Variants in PDLIM7 observed in about 807,000 individuals in gnomAD.
PDLIM7 encodes PDZ and LIM domain 7.
A neutral mutation model predicts 53.9 loss-of-function variants in PDLIM7; 37 were observed. The observed-to-expected ratio is 0.69, with a 90% CI of 0.53 to 0.90. PDLIM7 has a LOEUF of 0.90. Ranked by LOEUF, PDLIM7 falls within the 40% of genes least tolerant of loss-of-function variation. The pLI is 0.00. For synonymous variants in PDLIM7, 300 were observed against 261.3 expected (o/e 1.15, Z -1.43); for missense variants, 617 against 638.5 (o/e 0.97, Z 0.36).
rs1011444288 is a variant in PDLIM7 at position 177,487,966 on chromosome 5, G to A, written c.1050+102C>T. On this transcript the variant is annotated intron_variant, in intron 10 of 12. Coordinates refer to ENST00000355841, the MANE Select transcript of PDLIM7 (RefSeq NM_005451.5). The stretch of plus-strand genomic sequence containing the variant: ...CCATTTATTACGCTGGTAAGGACCC[G>A]GAGGGCTCACTCGGGGAGAGACCTG... 126 of 1,142,700 alleles carry A rather than the reference G, an allele frequency of 1.1e-4. No individual in the cohort carries two copies. In the Admixed American group the frequency reaches 1.4e-3, roughly 13 times the overall value. The allele number at this position is 1,142,700 out of a possible 1,614,324, so 70.8% of individuals were successfully genotyped here.
chr5:177,491,510 G>C lies in PDLIM7; in HGVS notation c.398+297C>G. 3 of 1,062,284 alleles carry C rather than the reference G, an allele frequency of 2.8e-6. No individual in the cohort carries two copies. The South Asian group carries it at 4.0e-5, about 14-fold the overall frequency. 65.8% of individuals were successfully genotyped at this position (1,062,284 alleles called of 1,614,324 possible). Reference sequence around the variant, plus strand: ...AAGACGGGGAGGGGTCAGAACAGCCGGGGACAAGGCGGCACTGAGTGTCTG... The same window carrying C: ...AAGACGGGGAGGGGTCAGAACAGCCCGGGACAAGGCGGCACTGAGTGTCTG... On this transcript the variant is annotated intron_variant, in intron 5 of 12. Coordinates refer to ENST00000355841, the MANE Select transcript of PDLIM7 (RefSeq NM_005451.5).
At position 177,492,453 on chromosome 5, in the gene PDLIM7, C is replaced by G. The variant is rs186153779; in HGVS notation, c.249-18G>C. Reference sequence around the variant, plus strand: ...GCTGGGCCCTGGAGGAGAAGGAAAGCGTGACAGCGGGCCGGGCCCGCAGGG... The same window carrying G: ...GCTGGGCCCTGGAGGAGAAGGAAAGGGTGACAGCGGGCCGGGCCCGCAGGG... On this transcript the variant is annotated intron_variant, in intron 3 of 12. Transcript: ENST00000355841. 11 of 1,613,520 alleles carry G rather than the reference C, an allele frequency of 6.8e-6. No individual in the cohort carries two copies. The East Asian group carries it at 2.5e-4, about 36-fold the overall frequency.
intron 11 of PDLIM7, 26 bp from the exon 12 acceptor site, chr5:177,484,008 G>A: frequency 6.2e-7 from 1 of 1,613,450 alleles, no homozygotes; most frequent in South Asian, 1.1e-5. Flanking sequence ...GAGAGAAAGA[G>A]GACCTGGATT....
chr5:177,486,780 T>TGCCTG (rs1561699623), intron 10 of PDLIM7, among the ~76,000 whole-genome samples: 1 of 146,418 alleles, frequency 6.8e-6, no homozygotes, highest in Non-Finnish European at 1.5e-5. Flanking sequence ...CTGGGACTAC[T>TGCCTG]CCACCATGCC....
chr5:177,492,144 G>C (rs964185513), intron 4 of PDLIM7: 34 of 596,802 alleles, frequency 5.7e-5, no homozygotes, highest in African/African-American at 4.7e-4. Context: ...AGGGCTGACC[G>C]AGTGCGGGCG....
At chr5:177,490,324 G>A (rs1758682780) in intron 7 of PDLIM7, 1 of 1,446,958 alleles carries the variant, frequency 6.9e-7, no homozygotes, top group East Asian at 2.5e-5. Context: ...AAGAGGGAAG[G>A]CAGTGTCAGA....
In PDLIM7 at chr5:177,489,602, G is replaced by T; in HGVS notation, c.660C>A (p.Ser220Arg). 1 of 1,603,516 alleles carries T rather than the reference G, an allele frequency of 6.2e-7. No individual in the cohort carries two copies. The highest frequency in any genetic ancestry group is 1.1e-5 in the South Asian group (1 of 89,922). The change falls in exon 9 of 13, where the codon AGC becomes AGA. Residue 220 changes from serine (S) to arginine (R), a missense_variant. Coordinates refer to ENST00000355841, the MANE Select transcript of PDLIM7 (RefSeq NM_005451.5). ...WPGPTAPSPTSRPPWAVDPAF... is the reference protein window; with the variant it reads ...WPGPTAPSPTRRPPWAVDPAF... ...CAGGGTCCACAGCCCAGGGCGGGCG[G>T]CTGGTAGGGCTGGGGGCGGTAGGGC...
intron 5 of PDLIM7, 133 bp downstream of exon 5, chr5:177,491,674 C>A: frequency 6.3e-6 from 4 of 632,352 alleles, no homozygotes; most frequent in Non-Finnish European, 1.0e-5. Context: ...CAGCCCCACC[C>A]CGGCCGCCAG....
intron 2 of PDLIM7, among the ~76,000 whole-genome samples, chr5:177,496,001 C>T (rs773127228): frequency 9.9e-5 from 15 of 152,056 alleles, no homozygotes; most frequent in Non-Finnish European, 1.9e-4. Context: ...TCTGGAAAAA[C>T]GGGATGAGGA....
rs1254736238 is a variant in PDLIM7, at chr5:177,491,863, C to T, written c.342G>A (p.Lys114=). Residue 114 remains lysine (K), a synonymous_variant, in exon 5 of 13, where the codon AAG becomes AAA. Coordinates refer to ENST00000355841, the MANE Select transcript of PDLIM7 (RefSeq NM_005451.5). The part of the protein sequence containing the change: ...YTFAPSVSLN[K]TARPFGAPPP... The stretch of plus-strand genomic sequence containing the variant: ...GGGGCGCCCCAAAGGGCCGGGCCGT[C>T]TTGTTGAGGGAGACGCTGGGTGCAA... The T allele has an allele frequency of 8.1e-7, 1 of 1,233,620 alleles. No individual in the cohort carries two copies. The highest frequency in any genetic ancestry group is 1.0e-6 in the Non-Finnish European group (1 of 981,298). The allele number at this position is 1,233,620 out of a possible 1,614,324, so 76.4% of individuals were successfully genotyped here.
At chr5:177,497,112 G>T (rs1759129701) in intron 1 of PDLIM7, among the ~76,000 whole-genome samples, 1 of 151,438 alleles carries the variant, frequency 6.6e-6, no homozygotes, top group Non-Finnish European at 1.5e-5. Context: ...GCCAGGGCGG[G>T]ACCCCTGGGT....
intron 11 of PDLIM7, 31 bp downstream of exon 11, chr5:177,484,039 T>C (rs1395279110): frequency 1.2e-6 from 2 of 1,613,466 alleles, no homozygotes; most frequent in Admixed American, 1.7e-5. Flanking sequence ...CCATGCACCA[T>C]CCCTCCTCAC....
In PDLIM7 at chr5:177,491,914, G is replaced by C. The variant is rs372173934; in HGVS notation, c.291C>G (p.Pro97=). ...AGGTGTACCGCGGAGGGTCCGCGGC[G>C]GGGGCGGAGGCCTGGGCAGAGACAC... ...VQSKPQKASA[P]AADPPRYTFA... is the part of the protein sequence containing the mutation. The change falls in exon 5 of 13, where the codon CCC becomes CCG. Residue 97 remains proline (P), a synonymous_variant. Coordinates refer to ENST00000355841, the MANE Select transcript of PDLIM7 (RefSeq NM_005451.5). The C allele has an allele frequency of 2.5e-4, 317 of 1,276,580 alleles. 1 individual carries two copies. Among genetic ancestry groups the C allele is most frequent in the African/African-American group, 2.0e-3 (130 of 64,496 alleles). The allele number at this position is 1,276,580 out of a possible 1,614,324, so 79.1% of individuals were successfully genotyped here. A position where few individuals can be genotyped will look rare whatever the true frequency, so the allele number is the denominator to read the frequency against.
Position 177,484,149 on chromosome 5 carries a change from G to A in PDLIM7, c.1092C>T (p.Cys364=). 6.2e-7 allele frequency: 1 copy of A among 1,613,906 alleles called. No homozygotes were observed. The highest frequency in any genetic ancestry group is 8.5e-7 in the Non-Finnish European group (1 of 1,179,956). Residue 364 remains cysteine, a synonymous_variant, in exon 11 of 13, where the codon TGC becomes TGT. Coordinates refer to ENST00000355841, the MANE Select transcript of PDLIM7 (RefSeq NM_005451.5). ...GCGTCTTGCAGGCAGCACAGGTAAA[G>A]CAGTGCACGTGCCAGGTCATCTTCA... ...HALKMTWHVH[C]FTCAACKTPI...
chr5:177,497,352 G>C lies in PDLIM7; in HGVS notation c.-12+176C>G, dbSNP rs190892940. 4.0e-3 allele frequency among the ~76,000 whole-genome samples: 611 copies of C among 152,180 alleles called. 4 individuals carry two copies. Among genetic ancestry groups the C allele is most frequent in the South Asian group, 9.3e-3 (45 of 4,828 alleles). On this transcript the variant is annotated intron_variant, in intron 1 of 12. Coordinates refer to ENST00000355841, the MANE Select transcript of PDLIM7 (RefSeq NM_005451.5). ...GCAGGAAGCGGCGCAGGCGCCAATC[G>C]GCCCCGCCGCAGCCGGCTTAGCGGC...
rs539067593 is a variant in PDLIM7, at chr5:177,492,739, G to A, written c.97-62C>T. On this transcript the variant is annotated intron_variant, in intron 2 of 12. Coordinates refer to ENST00000355841, the MANE Select transcript of PDLIM7 (RefSeq NM_005451.5). Reference sequence around the variant, plus strand: ...CCCTGCAGACCCAAGCCAGGCTGACGGTGGTAACACTGCCCCACCCAAAGC... The same window carrying A: ...CCCTGCAGACCCAAGCCAGGCTGACAGTGGTAACACTGCCCCACCCAAAGC... The A allele has an allele frequency of 3.8e-4, 588 of 1,556,164 alleles. 1 individual carries two copies. Among genetic ancestry groups the A allele is most frequent in the Non-Finnish European group, 4.7e-4 (539 of 1,144,936 alleles).
intron 6 of PDLIM7, 50 bp downstream of exon 6, chr5:177,490,960 G>A (rs755636703): frequency 1.1e-5 from 17 of 1,614,016 alleles, no homozygotes; most frequent in Admixed American, 1.7e-5. Flanking sequence ...CAGGGATCAC[G>A]CCTGGGCTGG....
intron 2 of PDLIM7, among the ~76,000 whole-genome samples, 176 bp downstream of exon 2, chr5:177,496,241 G>A (rs1193271361): frequency 6.6e-6 from 1 of 152,182 alleles, no homozygotes; most frequent in Non-Finnish European, 1.5e-5. Flanking sequence ...CTCCCTCCCA[G>A]TATCCACCTC....
In PDLIM7 at chr5:177,492,493, C is replaced by G. The variant is rs538442694; in HGVS notation, c.248+33G>C. The stretch of plus-strand genomic sequence containing the variant: ...GGCCCGCAGGGATCCCCACTGCCAG[C>G]GCGGGCGCACCCATCCATGTCCACC... On this transcript the variant is annotated intron_variant, in intron 3 of 12. Transcript: ENST00000355841. 4.3e-6 allele frequency: 7 copies of G among 1,613,626 alleles called. No homozygotes were observed. In the African/African-American group the frequency reaches 9.3e-5, roughly 21 times the overall value.
Sources: gnomAD v4.1 joint callset for allele counts (sites outside exome capture counted in the v4.1 genomes callset) on GRCh38, gnomAD v4.1.1 for gene constraint, MANE v1.5 for transcripts, NCBI Gene and HGNC (gene_info 2026-07-23, HGNC 2026-07-21) for gene names.